CNTN5: variants seen among roughly 807,000 people sequenced by gnomAD.
CNTN5 encodes the protein contactin 5, also known as contactin-5.
In CNTN5, 77 loss-of-function variants were observed where a neutral mutation model predicts 129.1. The ratio of observed to expected loss-of-function variants is 0.60; its 90% CI spans 0.50 to 0.72. The LOEUF is 0.72. Among genes scored for constraint, CNTN5 ranks in the 30% least tolerant of loss-of-function variants. The probability of loss-of-function intolerance (pLI) is 0.00; values close to 1 mark genes in which losing one functional copy is unlikely to be tolerated. For missense variants in CNTN5, 1,478 were observed against 1,328.8 expected (o/e 1.11, Z -1.75); for synonymous variants, 509 against 465.6 (o/e 1.09, Z -1.20).
intron 4 of CNTN5, among the ~76,000 whole-genome samples, chr11:99,841,428 A>G (rs1947486744): frequency 6.6e-6 from 1 of 152,180 alleles, no homozygotes; most frequent in Non-Finnish European, 1.5e-5. Flanking sequence ...TTATACGGCT[A>G]ACTTTGCAGG....
chr11:99,398,154 T>C (rs555416240), intron 2 of CNTN5, among the ~76,000 whole-genome samples: 1 of 152,030 alleles, frequency 6.6e-6, no homozygotes, highest in East Asian at 1.9e-4. Context: ...TTCAGAATTG[T>C]TAGCCCACAC....
intron 18 of CNTN5, among the ~76,000 whole-genome samples, chr11:100,284,394 G>A (rs1210844338): frequency 6.6e-6 from 1 of 152,136 alleles, no homozygotes; most frequent in African/African-American, 2.4e-5. Flanking sequence ...TAGATAGATT[G>A]ATAAATAAAG....
At chr11:100,166,969 T>C (rs1208264097) in intron 13 of CNTN5, among the ~76,000 whole-genome samples, 2 of 151,850 alleles carry the variant, frequency 1.3e-5, no homozygotes, top group Non-Finnish European at 2.9e-5. Flanking sequence ...ACTTACTTAA[T>C]GACACACAGA....
intron 2 of CNTN5, among the ~76,000 whole-genome samples, chr11:99,378,278 T>C (rs1208439720): frequency 1.3e-5 from 2 of 152,160 alleles, no homozygotes; most frequent in Admixed American, 1.3e-4. Flanking sequence ...AGCTGTTTCA[T>C]GTTAGCATTT....
At chr11:99,507,457 TTC>T (rs1946670834) in intron 2 of CNTN5, among the ~76,000 whole-genome samples, 2 of 152,008 alleles carry the variant, frequency 1.3e-5, no homozygotes, top group African/African-American at 2.4e-5. Context: ...ATTTTCTTTT[TTC>T]TCTCTGTTTT....
At chr11:99,348,359 A>G (rs1429724039) in intron 2 of CNTN5, among the ~76,000 whole-genome samples, 1 of 152,188 alleles carries the variant, frequency 6.6e-6, no homozygotes, top group Admixed American at 6.5e-5. Flanking sequence ...ATACACTAGA[A>G]CAGTCTTCTG....
intron 2 of CNTN5, among the ~76,000 whole-genome samples, chr11:99,492,807 A>C (rs1946086454): frequency 6.6e-6 from 1 of 152,212 alleles, no homozygotes; most frequent in Admixed American, 6.5e-5. Context: ...GGAGCCAGGC[A>C]TGCAGAACTG....
intron 18 of CNTN5, among the ~76,000 whole-genome samples, chr11:100,296,094 C>T (rs1427027725): frequency 6.6e-6 from 1 of 151,434 alleles, no homozygotes; most frequent in Admixed American, 6.6e-5. Context: ...AAATTTGGAT[C>T]CCTGTCCTTT....
intron 3 of CNTN5, among the ~76,000 whole-genome samples, chr11:99,611,888 A>G (rs921320813): frequency 3.3e-5 from 5 of 152,302 alleles, no homozygotes; most frequent in East Asian, 1.9e-4. Context: ...AACACCTAAC[A>G]TGGATAATAG....
In CNTN5 at chr11:100,061,264, G is replaced by C. The variant is rs1214794165; in HGVS notation, c.1033G>C (p.Ala345Pro). ...MKVNGYIPSK[A>P]RLRKSQAVLE... ...GGTTAATGGTTATATTCCTAGTAAGGCACGTCTGCGGAAATCTCAGGCGGT... is the reference window on the plus strand; with the variant it reads ...GGTTAATGGTTATATTCCTAGTAAGCCACGTCTGCGGAAATCTCAGGCGGT... Residue 345 changes from alanine to proline, a missense_variant, in exon 10 of 25, where the codon GCA becomes CCA. Ala to Pro is a conservative substitution (Grantham distance 27, BLOSUM62 -1). Transcript: ENST00000524871. 6.2e-7 allele frequency: 1 copy of C among 1,613,476 alleles called. No individual in the cohort carries two copies. The highest frequency in any genetic ancestry group is 8.5e-7 in the Non-Finnish European group (1 of 1,179,612).
chr11:100,279,329 G>A (rs1950581172), intron 18 of CNTN5, among the ~76,000 whole-genome samples: 1 of 151,554 alleles, frequency 6.6e-6, no homozygotes, highest in African/African-American at 2.4e-5. Flanking sequence ...CTCATAGAAT[G>A]AATTTGGAAG....
intron 3 of CNTN5, among the ~76,000 whole-genome samples, chr11:99,766,050 G>A (rs1031745730): frequency 6.6e-6 from 1 of 151,806 alleles, no homozygotes; most frequent in Non-Finnish European, 1.5e-5. Context: ...ATTTTCTCTG[G>A]TAATCAAATG....
chr11:99,884,400 CAA>C (rs1170259153), intron 6 of CNTN5, among the ~76,000 whole-genome samples: 2 of 151,790 alleles, frequency 1.3e-5, no homozygotes, highest in African/African-American at 2.4e-5. Context: ...CCAAATTGAC[CAA>C]AGAGATTTGA....
chr11:99,632,765 G>A (rs924794110), intron 3 of CNTN5, among the ~76,000 whole-genome samples: 1 of 152,116 alleles, frequency 6.6e-6, no homozygotes. Context: ...CTGAGATGTT[G>A]TTTTGCATTG....
At chr11:99,994,306 C>G (rs1054809671) in intron 8 of CNTN5, among the ~76,000 whole-genome samples, 1 of 136,598 alleles carries the variant, frequency 7.3e-6, no homozygotes, top group South Asian at 2.2e-4. Context: ...TTCTGAAGAG[C>G]CTAAAATGTC....
intron 3 of CNTN5, among the ~76,000 whole-genome samples, chr11:99,713,735 G>A (rs1191221459): frequency 4.6e-5 from 7 of 151,910 alleles, no homozygotes; most frequent in African/African-American, 1.7e-4. Context: ...GCACTTTTAA[G>A]TTTGAATGTG....
intron 2 of CNTN5, among the ~76,000 whole-genome samples, chr11:99,355,798 T>C (rs955952890): frequency 6.6e-6 from 1 of 151,664 alleles, no homozygotes; most frequent in East Asian, 1.9e-4. Flanking sequence ...TGGTCACAAA[T>C]GCATCTGTCA....
chr11:99,608,965 T>G (rs1331064866), intron 3 of CNTN5, among the ~76,000 whole-genome samples: 1 of 152,150 alleles, frequency 6.6e-6, no homozygotes, highest in Non-Finnish European at 1.5e-5. Context: ...TTTCAACACT[T>G]ATTCTCCTTT....
Position 99,327,187 on chromosome 11 carries a change from G to A in CNTN5, c.-71+1703G>A, listed in dbSNP as rs74584470. On this transcript the variant is annotated intron_variant, in intron 2 of 24. Coordinates refer to ENST00000524871, the MANE Select transcript of CNTN5 (RefSeq NM_014361.4). ...TTGTGACATTCAAAGAAAGACAACC[G>A]AACCACTGAACACAGCACAGCAGCT... is the stretch of plus-strand genomic sequence containing the variant. Among the ~76,000 whole-genome samples the A allele has an allele frequency of 1.3e-3, 197 of 152,174 alleles. 6 individuals carry two copies. The East Asian group carries it at 0.037, about 29-fold the overall frequency.
Sources: allele counts gnomAD v4.1 joint callset (sites outside exome capture counted in the v4.1 genomes callset), GRCh38; gene constraint gnomAD v4.1.1; transcripts MANE v1.5; gene names NCBI Gene and HGNC (gene_info 2026-07-23, HGNC 2026-07-21).